ENPP2: variants seen among roughly 807,000 people sequenced by gnomAD.
The protein encoded by ENPP2 is autotaxin.
ENPP2 carries 51 observed loss-of-function variants against 120.2 expected under a neutral mutation model. The ratio of observed to expected loss-of-function variants is 0.42; its 90% CI spans 0.34 to 0.54. ENPP2 has a LOEUF of 0.54. Among genes scored for constraint, ENPP2 ranks in the 20% least tolerant of loss-of-function variants. The pLI is 0.04. For missense variants in ENPP2, 920 were observed against 1,066.5 expected, an observed-to-expected ratio of 0.86 and a Z score of 1.91; for synonymous variants, 365 against 366.4, an observed-to-expected ratio of 1.00 and a Z score of 0.04.
At chr8:119,565,059 CAA>C in intron 22 of ENPP2, 104 bp from the exon 23 acceptor site, 1 of 860,000 alleles carries the variant, frequency 1.2e-6, no homozygotes, top group Non-Finnish European at 1.8e-6. Context: ...TCTCACAAGC[CAA>C]GAGACAAGAG....
At chr8:119,664,282 G>A (rs957179557) in intron 1 of ENPP2, among the ~76,000 whole-genome samples, 10 of 152,096 alleles carry the variant, frequency 6.6e-5, no homozygotes, top group Admixed American at 2.0e-4. Flanking sequence ...ACAGTATTTC[G>A]CATCAGGAGA....
chr8:119,607,793 G>T, intron 9 of ENPP2, 129 bp downstream of exon 9: 2 of 626,590 alleles, frequency 3.2e-6, no homozygotes, highest in South Asian at 4.7e-5. Context: ...AGGTTATTTT[G>T]ATTTAGTAAA....
intron 19 of ENPP2, among the ~76,000 whole-genome samples, chr8:119,575,485 T>C (rs985054645): frequency 6.6e-6 from 1 of 152,170 alleles, no homozygotes; most frequent in African/African-American, 2.4e-5. Context: ...GCAAAGAGTC[T>C]CTCTACTTAG....
intron 19 of ENPP2, among the ~76,000 whole-genome samples, chr8:119,576,308 T>C (rs144388407): frequency 6.7e-4 from 102 of 152,238 alleles, no homozygotes; most frequent in African/African-American, 2.3e-3. Flanking sequence ...CAGCTAATTT[T>C]TGTATTCTTA....
At chr8:119,606,024 A>T (rs2130615727) in intron 9 of ENPP2, among the ~76,000 whole-genome samples, 1 of 152,364 alleles carries the variant, frequency 6.6e-6, no homozygotes, top group South Asian at 2.1e-4. Flanking sequence ...AACCATGTTA[A>T]AAAGATGGCC....
chr8:119,626,158 G>C (rs1371429992), intron 3 of ENPP2, among the ~76,000 whole-genome samples: 1 of 152,124 alleles, frequency 6.6e-6, no homozygotes, highest in Non-Finnish European at 1.5e-5. Flanking sequence ...AGGAGTTCAA[G>C]ACCAACCTGA....
intron 1 of ENPP2, among the ~76,000 whole-genome samples, chr8:119,658,211 G>A (rs1279477715): frequency 6.6e-6 from 1 of 152,110 alleles, no homozygotes; most frequent in Non-Finnish European, 1.5e-5. Context: ...AGATTCAGGG[G>A]GTCCACGTGC....
intron 2 of ENPP2, among the ~76,000 whole-genome samples, chr8:119,627,648 G>C (rs1816372940): frequency 6.6e-6 from 1 of 152,010 alleles, no homozygotes; most frequent in African/African-American, 2.4e-5. Context: ...GATCATCTGA[G>C]GTCAGGAGTT....
chr8:119,636,103 G>A (rs954912338), intron 2 of ENPP2, among the ~76,000 whole-genome samples: 4 of 152,114 alleles, frequency 2.6e-5, no homozygotes, highest in African/African-American at 9.7e-5. Flanking sequence ...GCCTAAAAAT[G>A]TTGTTGGAAA....
intron 2 of ENPP2, among the ~76,000 whole-genome samples, chr8:119,633,287 C>T (rs554539424): frequency 1.3e-5 from 2 of 152,152 alleles, no homozygotes; most frequent in South Asian, 2.1e-4. Flanking sequence ...AGTTTGGAAA[C>T]ATTTAGCTTA....
chr8:119,624,483 A>T (rs566784991), intron 3 of ENPP2, among the ~76,000 whole-genome samples: 53 of 152,110 alleles, frequency 3.5e-4, no homozygotes, highest in African/African-American at 6.7e-4. Flanking sequence ...ATTTAAATTT[A>T]AAAAAAATGC....
intron 2 of ENPP2, among the ~76,000 whole-genome samples, chr8:119,634,409 G>C (rs1000464935): frequency 6.6e-6 from 1 of 152,108 alleles, no homozygotes; most frequent in African/African-American, 2.4e-5. Context: ...ATAAAATGTT[G>C]TCATTTAAAA....
chr8:119,642,146 C>T (rs1258335426), upstream of ENPP2, among the ~76,000 whole-genome samples: 1 of 152,136 alleles, frequency 6.6e-6, no homozygotes, highest in Admixed American at 6.5e-5. Flanking sequence ...TTCTCAATTT[C>T]TCCGTTACTT....
upstream of ENPP2, among the ~76,000 whole-genome samples, chr8:119,643,685 C>A (rs905263370): frequency 1.3e-5 from 2 of 152,176 alleles, no homozygotes; most frequent in Non-Finnish European, 2.9e-5. Flanking sequence ...AGGGAGCTGA[C>A]CCACACATAG....
chr8:119,599,241 T>C (rs1814113387), intron 11 of ENPP2, among the ~76,000 whole-genome samples: 1 of 152,224 alleles, frequency 6.6e-6, no homozygotes. Context: ...ACTTCAGTGA[T>C]TTAAGACTAA....
intron 22 of ENPP2, among the ~76,000 whole-genome samples, chr8:119,566,008 A>G (rs879681895): frequency 8.4e-4 from 128 of 151,916 alleles, no homozygotes; most frequent in Non-Finnish European, 1.6e-3. Flanking sequence ...CCCTTTCCCT[A>G]TCACTCGCAA....
intron 9 of ENPP2, among the ~76,000 whole-genome samples, chr8:119,606,993 A>C (rs1452319532): frequency 6.6e-6 from 1 of 152,198 alleles, no homozygotes; most frequent in African/African-American, 2.4e-5. Flanking sequence ...ATTCATCTTA[A>C]GGCTTATGAA....
At chr8:119,662,986 A>C (rs1817965272) in intron 1 of ENPP2, among the ~76,000 whole-genome samples, 4 of 152,036 alleles carry the variant, frequency 2.6e-5, no homozygotes, top group Admixed American at 2.0e-4. Flanking sequence ...GTGTGATGGC[A>C]CACACCTGTA....
intron 6 of ENPP2, 23 bp from the exon 7 acceptor site, chr8:119,617,266 T>A: frequency 6.3e-7 from 1 of 1,577,560 alleles, no homozygotes; most frequent in Non-Finnish European, 8.7e-7. Flanking sequence ...TTGCAAATAT[T>A]AGAACAAGAG....
Sources: gnomAD v4.1 joint callset for allele counts (sites outside exome capture counted in the v4.1 genomes callset) on GRCh38, gnomAD v4.1.1 for gene constraint, MANE v1.5 for transcripts, NCBI Gene and HGNC (gene_info 2026-07-23, HGNC 2026-07-21) for gene names.